Variants in SETD2 observed in about 807,000 individuals in gnomAD.
SETD2 encodes SET domain containing 2, histone lysine methyltransferase, also known as histone-lysine N-methyltransferase SETD2.
In SETD2, 31 loss-of-function variants were observed where a neutral mutation model predicts 242.1. The observed-to-expected ratio is 0.13, with a 90% CI of 0.10 to 0.17. The LOEUF (loss-of-function observed/expected upper bound fraction) is 0.17, where lower values mean the gene tolerates loss of function less well. Ranked by LOEUF, SETD2 falls within the 10% of genes least tolerant of loss-of-function variation. SETD2 has a pLI of 1.00. For missense variants in SETD2, 2,481 were observed against 3,046.3 expected (o/e 0.81, Z 4.37); for synonymous variants, 1,006 against 1,066.5 (o/e 0.94, Z 1.11).
chr3:47,050,723 C>CTTTTTTTTTCTTTTTTTTT (rs2039790778), intron 15 of SETD2, among the ~76,000 whole-genome samples: 1 of 66,878 alleles, frequency 1.5e-5, no homozygotes. Flanking sequence ...TTTCCTCTCT[C>CTTTTTTTTTCTTTTTTTTT]TTTTTTTTTT....
intron 10 of SETD2, among the ~76,000 whole-genome samples, chr3:47,087,738 G>A (rs539868925): frequency 2.0e-5 from 3 of 152,214 alleles, no homozygotes; most frequent in Non-Finnish European, 2.9e-5. Flanking sequence ...AGGCTGAGAC[G>A]GGTGGATCAT....
At position 47,122,921 on chromosome 3, in the gene SETD2, G is replaced by A. The variant is rs1425320029; in HGVS notation, c.1715C>T (p.Ser572Phe). ...TTCATTTAATTCTGTACAACAGAAA[G>A]AATTTTTAAATTTATCAGACTTGGG... ...PIPKSDKFKN[S>F]FCCTELNEEI... The change falls in exon 3 of 21, where the codon TCT becomes TTT. Residue 572 changes from serine (S) to phenylalanine (F), a missense_variant. Ser to Phe is a radical substitution (Grantham distance 155, BLOSUM62 -2). Coordinates refer to ENST00000409792, the MANE Select transcript of SETD2 (RefSeq NM_014159.7). The A allele has an allele frequency of 2.5e-6, 4 of 1,610,344 alleles. No homozygotes were observed. The African/African-American group carries it at 5.4e-5, about 22-fold the overall frequency.
chr3:47,157,446 G>A (rs1048052177), intron 1 of SETD2: 1 of 455,760 alleles, frequency 2.2e-6, no homozygotes, highest in African/African-American at 2.0e-5. Flanking sequence ...TGACTGCTTT[G>A]TATCTCATTT....
Position 47,057,294 on chromosome 3 carries a change from A to C in SETD2, c.6490T>G (p.Phe2164Val). 6.2e-7 allele frequency: 1 copy of C among 1,614,182 alleles called. No individual in the cohort carries two copies. Among genetic ancestry groups the C allele is most frequent in the South Asian group, 1.1e-5 (1 of 91,082 alleles). The change falls in exon 15 of 21, where the codon TTT (phenylalanine) becomes GTT (valine). Residue 2164 changes from phenylalanine to valine, a missense_variant. By Grantham distance (50) the Phe-to-Val change is conservative. Around this residue, in one of 17 missense-constraint regions of SETD2, gnomAD observed 45 missense variants for 62.8 expected, o/e 0.72. Coordinates refer to ENST00000409792, the MANE Select transcript of SETD2 (RefSeq NM_014159.7). Reference sequence around the variant, plus strand: ...GGATAACCTGGTGGGTAACCAGCAAAGGGATGATGCGGGGCATTATAACCA... The same window carrying C: ...GGATAACCTGGTGGGTAACCAGCAACGGGATGATGCGGGGCATTATAACCA... ...SLGYNAPHHP[F>V]AGYPPGYPMQ...
rs1286790092 is a variant in SETD2, at chr3:47,115,082, TAAAG to T, written c.4587-1082_4587-1079del. On this transcript the variant is annotated intron_variant, in intron 4 of 20. Coordinates refer to ENST00000409792, the MANE Select transcript of SETD2 (RefSeq NM_014159.7). ...TCTCTAATGATACATAGGATATGCA[TAAAG>T]AAAGCTGGAGATACAACTGTCCCTG... Among the ~76,000 whole-genome samples, 5 of 152,138 alleles carry T rather than the reference TAAAG, an allele frequency of 3.3e-5. No individual in the cohort carries two copies. The South Asian group carries it at 1.0e-3, about 32-fold the overall frequency.
chr3:47,072,034 C>T lies in SETD2; in HGVS notation c.6061-4916G>A, dbSNP rs144339561. Among the ~76,000 whole-genome samples the T allele has an allele frequency of 7.0e-3, 1,067 of 152,236 alleles. 16 individuals are homozygous for T. The highest frequency in any genetic ancestry group is 0.024 in the African/African-American group (998 of 41,550). On this transcript the variant is annotated intron_variant, in intron 12 of 20. Coordinates refer to ENST00000409792, the MANE Select transcript of SETD2 (RefSeq NM_014159.7). ...TATAAGAACAAAATAATTGGTGGGG[C>T]GCAGTGGCTCACGCTTGTAATCCCA...
At chr3:47,118,247 C>A (rs2042938269) in intron 3 of SETD2, among the ~76,000 whole-genome samples, 1 of 152,182 alleles carries the variant, frequency 6.6e-6, no homozygotes, top group Admixed American at 6.5e-5. Flanking sequence ...GAATCAGCAG[C>A]AGCTTTATTT....
chr3:47,103,506 T>C, intron 6 of SETD2, 83 bp from the exon 7 acceptor site: 2 of 971,598 alleles, frequency 2.1e-6, no homozygotes, highest in South Asian at 2.7e-5. Flanking sequence ...ATACATCTCT[T>C]ATGCATCAAT....
intron 18 of SETD2, among the ~76,000 whole-genome samples, chr3:47,022,015 C>T (rs1278179089): frequency 6.6e-6 from 1 of 151,862 alleles, no homozygotes; most frequent in Non-Finnish European, 1.5e-5. Flanking sequence ...GGCGTGGTGG[C>T]GCGTGCCTGT....
At chr3:47,163,662 G>T in intron 1 of SETD2, 192 bp downstream of exon 1, 1 of 363,054 alleles carries the variant, frequency 2.8e-6, no homozygotes, top group Non-Finnish European at 4.5e-6. Flanking sequence ...GGGCCCAACC[G>T]CGGGCCTGCT....
chr3:47,063,932 G>A (rs1357319065), intron 13 of SETD2, among the ~76,000 whole-genome samples: 1 of 151,818 alleles, frequency 6.6e-6, no homozygotes, highest in African/African-American at 2.4e-5. Flanking sequence ...GCAGTGAGCC[G>A]AGATCGCGCC....
chr3:47,085,151 T>C (rs1306823065), intron 11 of SETD2, among the ~76,000 whole-genome samples: 3 of 152,200 alleles, frequency 2.0e-5, no homozygotes, highest in Admixed American at 2.0e-4. Context: ...TTAAAAATCA[T>C]AATATTGTTT....
chr3:47,036,556 T>C (rs530111499), intron 18 of SETD2, among the ~76,000 whole-genome samples: 3 of 151,846 alleles, frequency 2.0e-5, no homozygotes, highest in Admixed American at 1.3e-4. Context: ...ACCCCTCCTA[T>C]TGGTTTTGAA....
At chr3:47,065,804 T>TA (rs2040533884) in intron 13 of SETD2, among the ~76,000 whole-genome samples, 1 of 152,126 alleles carries the variant, frequency 6.6e-6, no homozygotes. Context: ...ACACTGTCTC[T>TA]AAAAAATAAA....
At chr3:47,077,917 A>C (rs2107625562) in intron 12 of SETD2, among the ~76,000 whole-genome samples, 1 of 152,368 alleles carries the variant, frequency 6.6e-6, no homozygotes, top group Non-Finnish European at 1.5e-5. Context: ...AAGTTAATGG[A>C]TTATAATCTA....
chr3:47,058,897 C>G (rs978392241), intron 14 of SETD2, among the ~76,000 whole-genome samples: 2 of 150,554 alleles, frequency 1.3e-5, no homozygotes, highest in Non-Finnish European at 3.0e-5. Flanking sequence ...CGGGTTCATG[C>G]CATTCTTCTG....
chr3:47,049,886 ATAT>A (rs1445994308), intron 15 of SETD2, among the ~76,000 whole-genome samples: 1 of 126,944 alleles, frequency 7.9e-6, no homozygotes, highest in African/African-American at 2.9e-5. Context: ...TTTATAGTAT[ATAT>A]TATATATATA....
chr3:47,020,563 G>C (rs1027533621), intron 18 of SETD2, among the ~76,000 whole-genome samples: 1 of 152,158 alleles, frequency 6.6e-6, no homozygotes, highest in Non-Finnish European at 1.5e-5. Flanking sequence ...ACCAGGAGGC[G>C]ATGAGTTGGA....
At position 47,123,444 on chromosome 3, in the gene SETD2, T is replaced by C. The variant is rs2043190095; in HGVS notation, c.1192A>G (p.Arg398Gly). 1.3e-6 allele frequency: 2 copies of C among 1,551,644 alleles called. No individual in the cohort carries two copies. The highest frequency in any genetic ancestry group is 1.2e-5 in the South Asian group (1 of 84,056). The part of the protein sequence containing the change: ...RYVSSRCRSE[R>G]ERRRSRSHSR... The stretch of plus-strand genomic sequence containing the variant: ...TGAGATCTGCTCCGCCGTCGCTCTC[T>C]TTCTGATCTACATCGGGAAGATACA... The change falls in exon 3 of 21, where the codon AGA becomes GGA. Residue 398 changes from arginine to glycine, a missense_variant. By Grantham distance (125) the Arg-to-Gly change is moderately radical. Around this residue, in one of 17 missense-constraint regions of SETD2, gnomAD observed 1,300 missense variants for 1,259.2 expected, o/e 1.03. Transcript: ENST00000409792.
Sources: allele counts gnomAD v4.1 joint callset (sites outside exome capture counted in the v4.1 genomes callset), GRCh38; gene constraint gnomAD v4.1.1; regional missense constraint gnomAD v4.1.1; transcripts MANE v1.5; gene names NCBI Gene and HGNC (gene_info 2026-07-23, HGNC 2026-07-21).